The following NOVA2 variants were observed in gnomAD, a reference collection of about 807,000 sequenced individuals.
NOVA2 encodes RNA-binding protein Nova-2.
In NOVA2, 9 loss-of-function variants were observed where a neutral mutation model predicts 22.5. The ratio of observed to expected loss-of-function variants is 0.40; its 90% CI spans 0.24 to 0.70. The LOEUF (loss-of-function observed/expected upper bound fraction) is 0.70. Ranked by LOEUF, NOVA2 falls within the 30% of genes least tolerant of loss-of-function variation. The probability of loss-of-function intolerance (pLI) is 0.38; values close to 1 mark genes in which losing one functional copy is unlikely to be tolerated. For missense variants in NOVA2, 383 were observed against 682.8 expected (o/e 0.56, Z 4.89); for synonymous variants, 318 against 335.2 (o/e 0.95, Z 0.56).
chr19:45,945,503 G>A (rs1336690210), intron 3 of NOVA2, among the ~76,000 whole-genome samples: 2 of 151,244 alleles, frequency 1.3e-5, no homozygotes, highest in African/African-American at 4.9e-5. Context: ...GCAGTGGTGT[G>A]ATCAGAGCTC....
At chr19:45,954,565 G>A (rs1189763982) in intron 2 of NOVA2, among the ~76,000 whole-genome samples, 2 of 151,950 alleles carry the variant, frequency 1.3e-5, no homozygotes, top group Non-Finnish European at 2.9e-5. Flanking sequence ...CCCACCAGAT[G>A]GAGGGCTGAG....
At chr19:45,968,392 G>A (rs374076410) in intron 1 of NOVA2, among the ~76,000 whole-genome samples, 2 of 151,968 alleles carry the variant, frequency 1.3e-5, no homozygotes, top group Admixed American at 1.3e-4. Flanking sequence ...TGTGAATGGC[G>A]GTGTTGCCTA....
At chr19:45,964,585 T>TCTCTCTCTCTCTCTCTCTC (rs1398689110) in intron 1 of NOVA2, among the ~76,000 whole-genome samples, 7 of 17,458 alleles carry the variant, frequency 4.0e-4, no homozygotes, top group Admixed American at 1.3e-3. Flanking sequence ...CTCTCTCTCT[T>TCTCTCTCTCTCTCTCTCTC]TCTCTTTCTC....
intron 3 of NOVA2, among the ~76,000 whole-genome samples, chr19:45,951,633 GAAAAGAAAA>G (rs1967927229): frequency 3.9e-5 from 2 of 50,802 alleles, no homozygotes; most frequent in African/African-American, 2.6e-4. Context: ...AAAAAAAAAA[GAAAAGAAAA>G]AAAAATTAGC....
intron 1 of NOVA2, 131 bp from the exon 2 acceptor site, chr19:45,961,284 C>T: frequency 1.6e-6 from 1 of 614,500 alleles, no homozygotes; most frequent in South Asian, 2.0e-5. Context: ...TCTTCATTCA[C>T]TCATTCATTC....
intron 1 of NOVA2, among the ~76,000 whole-genome samples, chr19:45,963,020 C>G (rs1968118301): frequency 6.6e-6 from 1 of 152,102 alleles, no homozygotes; most frequent in South Asian, 2.1e-4. Context: ...CATCTAGCCT[C>G]CCCTGCCCGT....
At chr19:45,953,048 A>AAAACGGGAGCC (rs1240187933) in intron 3 of NOVA2, among the ~76,000 whole-genome samples, 1 of 152,200 alleles carries the variant, frequency 6.6e-6, no homozygotes, top group African/African-American at 2.4e-5. Flanking sequence ...GACGGGAGAG[A>AAAACGGGAGCC]AAACGGGAGC....
intron 1 of NOVA2, among the ~76,000 whole-genome samples, chr19:45,966,864 C>T (rs975978813): frequency 4.0e-5 from 6 of 151,878 alleles, no homozygotes; most frequent in Non-Finnish European, 7.4e-5. Flanking sequence ...GCAACAAGAG[C>T]GAAACTCCGT....
At position 45,940,950 on chromosome 19, in the gene NOVA2, G is replaced by A. The variant is rs1386556093; in HGVS notation, c.397-5C>T. On this transcript the variant is annotated splice_polypyrimidine_tract_variant and splice_region_variant and intron_variant, in intron 3 of 3. Transcript: ENST00000263257. ...GTTGGGGACGATCAGCTTGGCCTGCGTGGGGAGCAAAAGGGAGGGTCTTTA... is the reference window on the plus strand; with the variant it reads ...GTTGGGGACGATCAGCTTGGCCTGCATGGGGAGCAAAAGGGAGGGTCTTTA... The A allele has an allele frequency of 6.3e-7, 1 of 1,598,162 alleles. No homozygotes were observed. Among genetic ancestry groups the A allele is most frequent in the Non-Finnish European group, 8.5e-7 (1 of 1,178,164 alleles).
chr19:45,963,151 C>A (rs1053249224), intron 1 of NOVA2, among the ~76,000 whole-genome samples: 2 of 151,890 alleles, frequency 1.3e-5, no homozygotes, highest in African/African-American at 4.8e-5. Flanking sequence ...GAGGCGGAGG[C>A]GGGCAGATCA....
chr19:45,946,315 T>G (rs780246565), intron 3 of NOVA2, among the ~76,000 whole-genome samples: 12 of 152,082 alleles, frequency 7.9e-5, no homozygotes, highest in Non-Finnish European at 1.8e-4. Context: ...GAAAAAGGAA[T>G]CTTCATTTAT....
At position 45,940,479 on chromosome 19, in the gene NOVA2, C is replaced by T. The variant is rs1260964026; in HGVS notation, c.863G>A (p.Ser288Asn). 1.9e-6 allele frequency: 3 copies of T among 1,538,630 alleles called. No homozygotes were observed. The highest frequency in any genetic ancestry group is 2.6e-6 in the Non-Finnish European group (3 of 1,143,224). Residue 288 changes from serine to asparagine, a missense_variant, in exon 4 of 4, where the codon AGT becomes AAT. Physicochemically the swap from Ser to Asn is conservative, Grantham distance 46. Transcript: ENST00000263257. ...AISTALNTLA[S>N]YGYNTNSLGL... ...CAGGGAGTTGGTGTTGTAGCCGTAA[C>T]TTGCCAGCGTGTTAAGCGCCGTGCT...
intron 2 of NOVA2, among the ~76,000 whole-genome samples, chr19:45,958,450 ATG>A (rs1043202096): frequency 8.3e-5 from 12 of 144,332 alleles, no homozygotes; most frequent in South Asian, 2.2e-4. Context: ...ACGTGTGACA[ATG>A]TGTGTGTAAG....
chr19:45,955,787 G>A (rs1967995857), intron 2 of NOVA2, among the ~76,000 whole-genome samples: 1 of 152,060 alleles, frequency 6.6e-6, no homozygotes, highest in Admixed American at 6.6e-5. Context: ...GAACCTGGGA[G>A]GCGGAGGTTG....
rs10598680 is a variant in NOVA2 at position 45,954,855 on chromosome 19, GGTGTGTGT to G, written c.230-917_230-910del. ...GTGTGTGTCTGCGAGGCTGGTGAGT[GGTGTGTGT>G]GTGTGTGTGTGTGTGTGTGTGTGTG... On this transcript the variant is annotated intron_variant, in intron 2 of 3. Transcript: ENST00000263257. Among the ~76,000 whole-genome samples the G allele has an allele frequency of 2.4e-3, 346 of 144,778 alleles. 2 individuals are homozygous for G. The highest frequency in any genetic ancestry group is 6.5e-3 in the African/African-American group (254 of 39,094). The allele number at this position is 144,778 out of a possible 152,430, so 95.0% of individuals were successfully genotyped here.
chr19:45,964,587 C>CTCTCTCTCTCTT (rs1330929033), intron 1 of NOVA2, among the ~76,000 whole-genome samples: 5 of 151,674 alleles, frequency 3.3e-5, no homozygotes, highest in Admixed American at 1.3e-4. Flanking sequence ...CTCTCTCTTT[C>CTCTCTCTCTCTT]TCTTTCTCTG....
chr19:45,950,128 T>C (rs1169632479), intron 3 of NOVA2, among the ~76,000 whole-genome samples: 7 of 151,472 alleles, frequency 4.6e-5, no homozygotes, highest in Middle Eastern at 3.2e-3. Flanking sequence ...AGTATTAGCA[T>C]AACCACACCT....
At chr19:45,967,342 G>A (rs1968180173) in intron 1 of NOVA2, 1 of 152,270 alleles carries the variant, frequency 6.6e-6, no homozygotes, top group South Asian at 2.1e-4. Flanking sequence ...GCTGAACTCG[G>A]AGCCCTCAGC....
At chr19:45,958,248 A>G (rs1338741341) in intron 2 of NOVA2, among the ~76,000 whole-genome samples, 1 of 151,928 alleles carries the variant, frequency 6.6e-6, no homozygotes, top group Non-Finnish European at 1.5e-5. Flanking sequence ...GATTGAATCT[A>G]GGGCTTTGGG....
Sources: gnomAD v4.1 joint callset for allele counts (sites outside exome capture counted in the v4.1 genomes callset) on GRCh38, gnomAD v4.1.1 for gene constraint, MANE v1.5 for transcripts, NCBI Gene and HGNC (gene_info 2026-07-23, HGNC 2026-07-21) for gene names.